The following TTC6 variants were observed in gnomAD, a reference collection of about 807,000 sequenced individuals.
TTC6 encodes the protein tetratricopeptide repeat domain 6, also known as tetratricopeptide repeat protein 6.
In TTC6, 172 loss-of-function variants were observed where a neutral mutation model predicts 210.4. That is an observed-to-expected ratio of 0.82 (90% confidence interval 0.72 to 0.93). The LOEUF is 0.93. Among genes scored for constraint, TTC6 ranks in the 40% least tolerant of loss-of-function variants. TTC6 has a pLI of 0.00. For synonymous variants in TTC6, 804 were observed against 819.6 expected, an observed-to-expected ratio of 0.98 and a Z score of 0.32; for missense variants, 2,414 against 2,318.1, an observed-to-expected ratio of 1.04 and a Z score of -0.85.
At chr14:37,670,525 C>T (rs1280075141) in intron 1 of TTC6, among the ~76,000 whole-genome samples, 1 of 132,782 alleles carries the variant, frequency 7.5e-6, no homozygotes, top group East Asian at 2.3e-4. Context: ...GGCTGGAGTG[C>T]AGTGGCGTAA....
downstream of TTC6, chr14:37,842,488 G>A: frequency 2.3e-6 from 1 of 427,698 alleles, no homozygotes; most frequent in Non-Finnish European, 3.7e-6. Context: ...TGCATATTTG[G>A]AATACCTTGA....
chr14:37,835,427 G>T (rs1595337107), intron 29 of TTC6, among the ~76,000 whole-genome samples: 1 of 152,064 alleles, frequency 6.6e-6, no homozygotes. Flanking sequence ...GAGTGTCAGG[G>T]ATAATTAGGA....
At chr14:37,792,313 C>A (rs1462689065) in exon 17 of TTC6, 1 of 1,532,378 alleles carries the variant, frequency 6.5e-7, no homozygotes, top group Admixed American at 2.0e-5. Context: ...TCTGCTACAC[C>A]TGGATAACTA....
At chr14:37,807,694 A>G in intron 23 of TTC6, among the ~76,000 whole-genome samples, 1 of 152,284 alleles carries the variant, frequency 6.6e-6, no homozygotes, top group Middle Eastern at 3.4e-3. Context: ...TTTATTAAGA[A>G]TGTAGCATAT....
chr14:37,665,469 G>C (rs1358825198), intron 1 of TTC6, among the ~76,000 whole-genome samples: 1 of 150,270 alleles, frequency 6.7e-6, no homozygotes, highest in East Asian at 1.9e-4. Flanking sequence ...GACACATTGA[G>C]GGAGAACAAC....
intron 21 of TTC6, among the ~76,000 whole-genome samples, chr14:37,805,218 A>G (rs1014477271): frequency 1.3e-5 from 2 of 152,236 alleles, no homozygotes; most frequent in Non-Finnish European, 2.9e-5. Flanking sequence ...ATCATTGAAC[A>G]ATTCAAATCA....
chr14:37,622,806 C>G, exon 1 of TTC6: 1 of 1,534,124 alleles, frequency 6.5e-7, no homozygotes, highest in Non-Finnish European at 8.7e-7. Context: ...GTTAGGAGCC[C>G]AGGGAGAACA....
intron 14 of TTC6, among the ~76,000 whole-genome samples, chr14:37,785,561 A>T (rs1197411599): frequency 6.6e-6 from 1 of 152,130 alleles, no homozygotes; most frequent in Non-Finnish European, 1.5e-5. Flanking sequence ...TTTGGGTTTG[A>T]ATATCCTCCT....
chr14:37,668,947 C>A (rs1595083078), intron 1 of TTC6, among the ~76,000 whole-genome samples: 1 of 152,290 alleles, frequency 6.6e-6, no homozygotes, highest in Non-Finnish European at 1.5e-5. Flanking sequence ...TTTGGTCCTT[C>A]CCTCACTGAT....
chr14:37,769,364 T>G (rs1212524588), intron 14 of TTC6, among the ~76,000 whole-genome samples: 1 of 151,654 alleles, frequency 6.6e-6, no homozygotes, highest in Non-Finnish European at 1.5e-5. Flanking sequence ...TTGGAATAGT[T>G]TCAGAAGGAA....
chr14:37,688,033 C>T (rs1391842331), intron 3 of TTC6, among the ~76,000 whole-genome samples: 1 of 152,128 alleles, frequency 6.6e-6, no homozygotes, highest in East Asian at 1.9e-4. Flanking sequence ...TACACCATTT[C>T]TGGACCTGCC....
chr14:37,596,349 C>G (rs1386790402), intron 1 of TTC6, among the ~76,000 whole-genome samples: 1 of 152,266 alleles, frequency 6.6e-6, no homozygotes, highest in Non-Finnish European at 1.5e-5. Context: ...GAAAGAGATG[C>G]CAGGCAGAAG....
At chr14:37,821,029 T>TTCTTCTTCTTCC (rs2096155435) in intron 26 of TTC6, among the ~76,000 whole-genome samples, 2 of 3,654 alleles carry the variant, frequency 5.5e-4, no homozygotes, top group Non-Finnish European at 5.1e-3. Flanking sequence ...CTTCCTCTTC[T>TTCTTCTTCTTCC]TCTTCTTCTT....
intron 14 of TTC6, among the ~76,000 whole-genome samples, chr14:37,773,670 T>G (rs191080952): frequency 2.4e-4 from 37 of 152,318 alleles, no homozygotes; most frequent in African/African-American, 8.9e-4. Flanking sequence ...CCTTGTAGTA[T>G]AGTTTCAAAA....
At chr14:37,653,646 A>G (rs1230711396) in intron 1 of TTC6, among the ~76,000 whole-genome samples, 1 of 152,228 alleles carries the variant, frequency 6.6e-6, no homozygotes, top group East Asian at 1.9e-4. Context: ...GTCCACTTGC[A>G]CTATCATTTT....
intron 26 of TTC6, among the ~76,000 whole-genome samples, chr14:37,818,820 TA>T (rs1359429614): frequency 6.6e-6 from 1 of 152,190 alleles, no homozygotes; most frequent in East Asian, 1.9e-4. Context: ...TCTCTTTAAG[TA>T]ATTGTCATTC....
At chr14:37,631,820 C>CT (rs2095670468) in intron 1 of TTC6, among the ~76,000 whole-genome samples, 1 of 152,102 alleles carries the variant, frequency 6.6e-6, no homozygotes, top group African/African-American at 2.4e-5. Context: ...CCTTTTCATT[C>CT]TTTTTTCTCT....
rs1056031443 is a variant in TTC6, at chr14:37,682,980, T to C, written c.1257+16T>C. The C allele has an allele frequency of 1.8e-5, 28 of 1,531,338 alleles. No homozygotes were observed. The highest frequency in any genetic ancestry group is 9.8e-5 in the Admixed American group (5 of 50,902). The allele number at this position is 1,531,338 out of a possible 1,614,324, so 94.9% of individuals were successfully genotyped here. A position where few individuals can be genotyped will look rare whatever the true frequency, so the allele number is the denominator to read the frequency against. On this transcript the variant is annotated intron_variant, in intron 3 of 30. Transcript: ENST00000553443. ...GTCTTTAACGGTAAGAAACTATTTA[T>C]GTTGGAAACACCTAAGAGTTATGAG...
chr14:37,738,830 A>G (rs1272156318), exon 10 of TTC6: 1 of 1,531,276 alleles, frequency 6.5e-7, no homozygotes, highest in African/African-American at 1.4e-5. Context: ...TCCTTTGGAA[A>G]TCAAGAATGA....
Sources: allele counts gnomAD v4.1 joint callset (sites outside exome capture counted in the v4.1 genomes callset), GRCh38; gene constraint gnomAD v4.1.1; transcripts MANE v1.5; gene names NCBI Gene and HGNC (gene_info 2026-07-23, HGNC 2026-07-21).